NIPBL: variants seen among roughly 807,000 people sequenced by gnomAD.
NIPBL encodes nipped-B-like protein.
A neutral mutation model predicts 321.8 loss-of-function variants in NIPBL; 19 were observed. The observed-to-expected ratio is 0.06, with a 90% CI of 0.04 to 0.09. The LOEUF is 0.09. NIPBL is among the 10% of genes least tolerant of loss of function. NIPBL has a pLI of 1.00. For synonymous variants in NIPBL, 1,106 were observed against 1,114.1 expected, an observed-to-expected ratio of 0.99 and a Z score of 0.14; for missense variants, 2,210 against 3,327.0, an observed-to-expected ratio of 0.66 and a Z score of 8.26.
intron 31 of NIPBL, 83 bp from the exon 32 acceptor site, chr5:37,027,276 T>C: frequency 9.3e-7 from 1 of 1,079,364 alleles, no homozygotes. Flanking sequence ...TTGAAACATG[T>C]TTCAGGCTAA....
intron 1 of NIPBL, among the ~76,000 whole-genome samples, chr5:36,905,324 GT>G (rs1452977398): frequency 6.6e-6 from 1 of 152,134 alleles, no homozygotes; most frequent in Non-Finnish European, 1.5e-5. Flanking sequence ...TGACGCAGGA[GT>G]TTTTTCCTGT....
At chr5:37,051,674 T>G in intron 40 of NIPBL, 105 bp from the exon 41 acceptor site, 1 of 751,944 alleles carries the variant, frequency 1.3e-6, no homozygotes, top group Non-Finnish European at 2.4e-6. Context: ...GGAAGGCCTA[T>G]AAGGTTAAAT....
rs761605563 is a variant in NIPBL, at chr5:37,048,564, A to G, written c.6652A>G (p.Asn2218Asp). 1.9e-6 allele frequency: 3 copies of G among 1,590,526 alleles called. No homozygotes were observed. The highest frequency in any genetic ancestry group is 4.5e-5 in the East Asian group (2 of 44,370). ...FEQEVKNLYN[N>D]ILSDKNSSVN... ...GCAAGAAGTGAAGAATCTATATAATAATATTTTATCTGATAAGAACTCCTC... is the reference window on the plus strand; with the variant it reads ...GCAAGAAGTGAAGAATCTATATAATGATATTTTATCTGATAAGAACTCCTC... Residue 2218 changes from asparagine to aspartate, a missense_variant, in exon 39 of 47, where the codon AAT becomes GAT. Physicochemically the swap from Asn to Asp is conservative, Grantham distance 23. This residue lies in a region of NIPBL where 40 missense variants were observed against 55.3 expected (regional missense o/e 0.72). Transcript: ENST00000282516.
chr5:36,937,216 A>T (rs1425866073), intron 1 of NIPBL, among the ~76,000 whole-genome samples: 1 of 152,186 alleles, frequency 6.6e-6, no homozygotes, highest in South Asian at 2.1e-4. Context: ...GCTTCTGTCT[A>T]GAAGTGGAAT....
At chr5:36,928,295 G>A (rs1484822185) in intron 1 of NIPBL, among the ~76,000 whole-genome samples, 2 of 152,108 alleles carry the variant, frequency 1.3e-5, no homozygotes, top group Non-Finnish European at 2.9e-5. Context: ...TTGTAAGCTT[G>A]CTTAAAAACA....
intron 6 of NIPBL, among the ~76,000 whole-genome samples, chr5:36,967,816 C>T (rs1439300534): frequency 1.3e-5 from 2 of 151,928 alleles, no homozygotes; most frequent in African/African-American, 4.8e-5. Context: ...ATTAAGAAAC[C>T]AGGCCAGGCA....
chr5:36,961,828 A>T (rs1029912439), intron 5 of NIPBL, among the ~76,000 whole-genome samples: 18 of 152,220 alleles, frequency 1.2e-4, no homozygotes, highest in Non-Finnish European at 2.6e-4. Flanking sequence ...AAAATAACTA[A>T]TGTGTTTGAG....
intron 1 of NIPBL, among the ~76,000 whole-genome samples, chr5:36,878,471 A>G (rs1221813540): frequency 6.6e-6 from 1 of 152,214 alleles, no homozygotes; most frequent in Non-Finnish European, 1.5e-5. Flanking sequence ...AATTGCTAGA[A>G]AAGTGTACCT....
At chr5:36,886,097 C>G in intron 1 of NIPBL, 2 of 682,102 alleles carry the variant, frequency 2.9e-6, no homozygotes, top group Non-Finnish European at 5.4e-6. Context: ...ACTCACGGAG[C>G]TGAGACATAC....
intron 9 of NIPBL, among the ~76,000 whole-genome samples, chr5:36,979,136 A>G (rs2149633798): frequency 6.6e-6 from 1 of 152,066 alleles, no homozygotes; most frequent in East Asian, 1.9e-4. Context: ...TTACGTTGGT[A>G]GTTTGATAGG....
In NIPBL at chr5:37,016,142, T is replaced by A. The variant is rs1183420755; in HGVS notation, c.4748T>A (p.Leu1583Gln). 6.2e-7 allele frequency: 1 copy of A among 1,613,958 alleles called. No individual in the cohort carries two copies. The highest frequency in any genetic ancestry group is 8.5e-7 in the Non-Finnish European group (1 of 1,179,906). Residue 1583 changes from leucine (L) to glutamine (Q), a missense_variant, in exon 23 of 47, where the codon CTA becomes CAA. Transcript: ENST00000282516. Reference sequence around the variant, plus strand: ...AAGCCTGAATGGCCAGCTGCTGAACTACTCCTTAGTTTGTTAGGGAGACTG... The same window carrying A: ...AAGCCTGAATGGCCAGCTGCTGAACAACTCCTTAGTTTGTTAGGGAGACTG... ...VNKPEWPAAE[L>Q]LLSLLGRLLV...
At chr5:37,042,554 G>A (rs1163378913) in intron 34 of NIPBL, among the ~76,000 whole-genome samples, 1 of 151,998 alleles carries the variant, frequency 6.6e-6, no homozygotes, top group Non-Finnish European at 1.5e-5. Flanking sequence ...CACTTTGGGA[G>A]GCCGAGGCAG....
Position 37,006,368 on chromosome 5 carries a change from TGAA to T in NIPBL, c.3877_3879del (p.Glu1293del), listed in dbSNP as rs773996562. 2.5e-5 allele frequency: 40 copies of T among 1,569,670 alleles called. No homozygotes were observed. The highest frequency in any genetic ancestry group is 1.3e-4 in the Admixed American group (8 of 59,940). ...ATACTGTTTTACAGAATAACGATAC[TGAA>T]GAAGAAGAAAGGTTATGGAGAGACC... On this transcript the variant is annotated inframe_deletion, in exon 17 of 47. Coordinates refer to ENST00000282516, the MANE Select transcript of NIPBL (RefSeq NM_133433.4).
chr5:36,969,226 C>T (rs905463736), intron 6 of NIPBL, among the ~76,000 whole-genome samples: 1 of 152,156 alleles, frequency 6.6e-6, no homozygotes. Context: ...ATTATTATTA[C>T]ACCCGTATCT....
intron 1 of NIPBL, among the ~76,000 whole-genome samples, chr5:36,897,816 T>C (rs1460498667): frequency 6.6e-6 from 1 of 151,818 alleles, no homozygotes; most frequent in Non-Finnish European, 1.5e-5. Context: ...GGTCAGTAAT[T>C]TCTGAAGTCT....
intron 1 of NIPBL, among the ~76,000 whole-genome samples, chr5:36,953,227 T>C (rs532164881): frequency 3.3e-4 from 50 of 152,314 alleles, no homozygotes; most frequent in African/African-American, 1.2e-3. Context: ...GTGCTTATAA[T>C]GTGGAAATGA....
chr5:36,983,570 G>C (rs1244068874), intron 9 of NIPBL, among the ~76,000 whole-genome samples: 1 of 151,918 alleles, frequency 6.6e-6, no homozygotes, highest in Non-Finnish European at 1.5e-5. Context: ...AGAGAATCTA[G>C]AGATTGCCTT....
Position 37,010,262 on chromosome 5 carries a change from T to TA in NIPBL, c.4560+38dup, listed in dbSNP as rs781067848. The TA allele has an allele frequency of 5.5e-6, 8 of 1,465,540 alleles. No homozygotes were observed. The Admixed American group carries it at 1.3e-4, about 25-fold the overall frequency. 90.8% of individuals were successfully genotyped at this position (1,465,540 alleles called of 1,614,324 possible). On this transcript the variant is annotated intron_variant, in intron 21 of 46. Coordinates refer to ENST00000282516, the MANE Select transcript of NIPBL (RefSeq NM_133433.4). ...ATTAAAGGTTTTACAACTGTACTTT[T>TA]ATTGAAGGAAATACCTATATTCTCT...
At chr5:37,016,212 C>A in intron 23 of NIPBL, 42 bp downstream of exon 23, 1 of 1,582,082 alleles carries the variant, frequency 6.3e-7, no homozygotes, top group Non-Finnish European at 8.7e-7. Flanking sequence ...TACTAGAAGA[C>A]AACATAATGA....
Sources: allele counts gnomAD v4.1 joint callset (sites outside exome capture counted in the v4.1 genomes callset), GRCh38; gene constraint gnomAD v4.1.1; regional missense constraint gnomAD v4.1.1; transcripts MANE v1.5; gene names NCBI Gene and HGNC (gene_info 2026-07-23, HGNC 2026-07-21).